Variants in CYP7B1 observed in about 807,000 individuals in gnomAD.
CYP7B1 encodes cytochrome P450 family 7 subfamily B member 1.
CYP7B1 carries 29 observed loss-of-function variants against 42.7 expected under a neutral mutation model. That is an observed-to-expected ratio of 0.68 (90% CI 0.51 to 0.93). The LOEUF (loss-of-function observed/expected upper bound fraction) is 0.93, where lower values mean the gene tolerates loss of function less well. Among genes scored for constraint, CYP7B1 ranks in the 40% least tolerant of loss-of-function variants. CYP7B1 has a pLI of 0.00. For missense variants in CYP7B1, 655 were observed against 600.5 expected (o/e 1.09, Z -0.95); for synonymous variants, 235 against 218.2 (o/e 1.08, Z -0.68).
chr8:64,697,821 C>T (rs887329437), intron 1 of CYP7B1, among the ~76,000 whole-genome samples: 4 of 152,158 alleles, frequency 2.6e-5, no homozygotes, highest in Non-Finnish European at 5.9e-5. Context: ...CAGACAAGAG[C>T]TATCACCACG....
intron 1 of CYP7B1, among the ~76,000 whole-genome samples, chr8:64,729,954 AT>A (rs1337577814): frequency 2.0e-5 from 3 of 152,174 alleles, no homozygotes; most frequent in Non-Finnish European, 4.4e-5. Context: ...AGTCTTTTGA[AT>A]GGCTATGCTG....
chr8:64,709,247 G>A (rs1035468402), intron 1 of CYP7B1, among the ~76,000 whole-genome samples: 2 of 152,268 alleles, frequency 1.3e-5, no homozygotes, highest in Middle Eastern at 3.4e-3. Context: ...AGCTGCAAAT[G>A]CCAAGCTTCA....
chr8:64,798,737 C>T lies in CYP7B1; in HGVS notation c.-150G>A, dbSNP rs1253386008. 1.2e-6 allele frequency: 1 copy of T among 832,968 alleles called. No individual in the cohort carries two copies. Among genetic ancestry groups the T allele is most frequent in the Non-Finnish European group, 1.7e-6 (1 of 586,566 alleles). 51.6% of individuals were successfully genotyped at this position (832,968 alleles called of 1,614,324 possible). A position where few individuals can be genotyped will look rare whatever the true frequency, so the allele number is the denominator to read the frequency against. ...CTGCCCGCAGCGCAGACAGGAATGTCACCGTGGTCTCCCAGGCTGAATGAC... is the reference window on the plus strand; with the variant it reads ...CTGCCCGCAGCGCAGACAGGAATGTTACCGTGGTCTCCCAGGCTGAATGAC... On this transcript the variant is annotated 5_prime_UTR_variant, in exon 1 of 6. Coordinates refer to ENST00000310193, the MANE Select transcript of CYP7B1 (RefSeq NM_004820.5).
intron 4 of CYP7B1, among the ~76,000 whole-genome samples, chr8:64,612,294 A>G (rs530627923): frequency 1.3e-5 from 2 of 152,140 alleles, no homozygotes; most frequent in Admixed American, 1.3e-4. Flanking sequence ...TTAAGCCCCA[A>G]GTAACAGTTA....
At chr8:64,667,987 A>AT (rs1408257667) in intron 1 of CYP7B1, among the ~76,000 whole-genome samples, 12 of 152,208 alleles carry the variant, frequency 7.9e-5, no homozygotes, top group African/African-American at 2.9e-4. Flanking sequence ...CTGAACTTAA[A>AT]TGCTACAGAC....
intron 1 of CYP7B1, among the ~76,000 whole-genome samples, chr8:64,723,137 G>T (rs1418085047): frequency 5.3e-5 from 8 of 152,036 alleles, no homozygotes. Flanking sequence ...AACCGTTTTG[G>T]AAATAGGCTT....
At chr8:64,667,354 C>G (rs1031868654) in intron 1 of CYP7B1, among the ~76,000 whole-genome samples, 4 of 152,084 alleles carry the variant, frequency 2.6e-5, no homozygotes, top group African/African-American at 9.7e-5. Context: ...TAGAAATGCA[C>G]CATTACTCGG....
At chr8:64,746,272 C>A (rs1015205930) in intron 1 of CYP7B1, among the ~76,000 whole-genome samples, 3 of 152,104 alleles carry the variant, frequency 2.0e-5, no homozygotes, top group Non-Finnish European at 2.9e-5. Context: ...AAGCATTGAT[C>A]TCCCAAGCTT....
intron 1 of CYP7B1, among the ~76,000 whole-genome samples, chr8:64,761,118 C>A (rs948623077): frequency 3.9e-5 from 6 of 152,130 alleles, no homozygotes; most frequent in Admixed American, 2.0e-4. Context: ...ATATCACTTA[C>A]ACGTGGAATC....
intron 1 of CYP7B1, among the ~76,000 whole-genome samples, chr8:64,763,931 C>T (rs538226360): frequency 1.6e-4 from 25 of 152,206 alleles, no homozygotes; most frequent in Non-Finnish European, 3.2e-4. Flanking sequence ...CTACTTCCTC[C>T]GATCCCTGCC....
chr8:64,786,279 C>T (rs1434019333), intron 1 of CYP7B1, among the ~76,000 whole-genome samples: 5 of 152,162 alleles, frequency 3.3e-5, no homozygotes, highest in African/African-American at 7.2e-5. Flanking sequence ...TCCAAAGTCT[C>T]ATCTGAGACA....
chr8:64,629,329 C>T (rs1018035736), intron 1 of CYP7B1, among the ~76,000 whole-genome samples: 2 of 151,634 alleles, frequency 1.3e-5, no homozygotes, highest in Admixed American at 6.6e-5. Flanking sequence ...CTAGGCTAGG[C>T]GTTCAGGTTA....
intron 1 of CYP7B1, among the ~76,000 whole-genome samples, chr8:64,778,048 A>G (rs1804356051): frequency 6.6e-6 from 1 of 151,682 alleles, no homozygotes; most frequent in Non-Finnish European, 1.5e-5. Flanking sequence ...TTTGGTCAAA[A>G]GTCCTTACCC....
chr8:64,717,723 C>T (rs1331027149), intron 1 of CYP7B1, among the ~76,000 whole-genome samples: 3 of 151,974 alleles, frequency 2.0e-5, no homozygotes, highest in Non-Finnish European at 4.4e-5. Context: ...CGTGGTAGTG[C>T]ATGCCTCTAG....
chr8:64,708,563 G>A (rs776367969), intron 1 of CYP7B1, among the ~76,000 whole-genome samples: 1 of 152,128 alleles, frequency 6.6e-6, no homozygotes, highest in Non-Finnish European at 1.5e-5. Context: ...TGCTTTATGT[G>A]CTATGATATC....
chr8:64,774,343 TG>T (rs1236207636), intron 1 of CYP7B1, among the ~76,000 whole-genome samples: 1 of 152,224 alleles, frequency 6.6e-6, no homozygotes, highest in Non-Finnish European at 1.5e-5. Context: ...AATAAATACT[TG>T]TTGACTTGAA....
At chr8:64,694,604 C>T (rs571896986) in intron 1 of CYP7B1, among the ~76,000 whole-genome samples, 3 of 152,276 alleles carry the variant, frequency 2.0e-5, no homozygotes, top group African/African-American at 4.8e-5. Context: ...ACTCTTACAG[C>T]AATTTCACAG....
chr8:64,614,828 A>G (rs1805409512), intron 4 of CYP7B1, among the ~76,000 whole-genome samples, 198 bp downstream of exon 4: 1 of 152,180 alleles, frequency 6.6e-6, no homozygotes, highest in Non-Finnish European at 1.5e-5. Context: ...TTGCACAGTT[A>G]ATTACCTAGG....
chr8:64,604,597 G>A (rs1055433524), intron 5 of CYP7B1, 85 bp downstream of exon 5: 8 of 1,529,290 alleles, frequency 5.2e-6, no homozygotes, highest in Non-Finnish European at 5.4e-6. Context: ...CTGGACCAAA[G>A]TGGCAAGAGG....
Sources: gnomAD v4.1 joint callset for allele counts (sites outside exome capture counted in the v4.1 genomes callset) on GRCh38, gnomAD v4.1.1 for gene constraint, MANE v1.5 for transcripts, NCBI Gene and HGNC (gene_info 2026-07-23, HGNC 2026-07-21) for gene names.